JAK1: variants seen among roughly 807,000 people sequenced by gnomAD.
The protein encoded by JAK1 is tyrosine-protein kinase JAK1.
JAK1 carries 16 observed loss-of-function variants against 136.6 expected under a neutral mutation model. The observed-to-expected ratio is 0.12, with a 90% CI of 0.08 to 0.18. The LOEUF is 0.18. JAK1 is among the 10% of genes least tolerant of loss of function. The pLI is 1.00. For missense variants in JAK1, 859 were observed against 1,450.1 expected (o/e 0.59, Z 6.62); for synonymous variants, 492 against 519.5 (o/e 0.95, Z 0.72).
intron 1 of JAK1, among the ~76,000 whole-genome samples, chr1:64,925,884 A>T (rs1304853780): frequency 6.6e-6 from 1 of 152,186 alleles, no homozygotes; most frequent in African/African-American, 2.4e-5. Context: ...GTTATTTGCA[A>T]TCACCTATAA....
intron 2 of JAK1, among the ~76,000 whole-genome samples, chr1:65,033,257 G>A (rs937417704): frequency 3.3e-5 from 5 of 152,266 alleles, no homozygotes; most frequent in African/African-American, 4.8e-5. Context: ...GGGGTCAAGC[G>A]ATCATCCCAG....
At chr1:64,969,991 CTG>C (rs1049881565), upstream of JAK1, among the ~76,000 whole-genome samples, 24 of 151,924 alleles carry the variant, frequency 1.6e-4, no homozygotes, top group African/African-American at 5.3e-4. Context: ...CAAAAAATAA[CTG>C]AGTGTGGTGG....
At chr1:65,042,873 G>A (rs1477398192) in intron 2 of JAK1, among the ~76,000 whole-genome samples, 14 of 152,128 alleles carry the variant, frequency 9.2e-5, no homozygotes, top group Non-Finnish European at 1.8e-4. Flanking sequence ...GGCAAGCTCC[G>A]GCTTCAGTTT....
intron 1 of JAK1, among the ~76,000 whole-genome samples, chr1:64,949,533 C>T (rs999269796): frequency 2.0e-5 from 3 of 152,216 alleles, no homozygotes; most frequent in African/African-American, 7.2e-5. Context: ...AATATCATTT[C>T]CCAGTGAGAA....
Position 64,948,865 on chromosome 1 carries a change from T to C in JAK1, c.-78+17468A>G, listed in dbSNP as rs923841300. On this transcript the variant is annotated intron_variant, in intron 1 of 24. Transcript: ENST00000342505. ...ATGTGGCAGCCCAGAATGTTAATGG[T>C]ACTTGGAGGGAAATCTAACCCTTAG... Among the ~76,000 whole-genome samples, 15 of 152,334 alleles carry C rather than the reference T, an allele frequency of 9.8e-5. No homozygotes were observed. In the East Asian group the frequency reaches 2.7e-3, roughly 27 times the overall value.
rs1206962048 is a variant in JAK1 at position 64,833,816 on chromosome 1, C to CTGAT, written c.*742_*745dup. 4.3e-5 allele frequency: 10 copies of CTGAT among 232,954 alleles called. No homozygotes were observed. The highest frequency in any genetic ancestry group is 5.9e-5 in the Non-Finnish European group (7 of 117,838). 14.4% of individuals were successfully genotyped at this position (232,954 alleles called of 1,614,324 possible). A position where few individuals can be genotyped will look rare whatever the true frequency, so the allele number is the denominator to read the frequency against. ...AGCATCCAGGTTCTGGGAATGAGTT[C>CTGAT]TGATTAAAGGTATACTGCTTAGGAA... is the stretch of plus-strand genomic sequence containing the variant. On this transcript the variant is annotated 3_prime_UTR_variant, in exon 25 of 25. Coordinates refer to ENST00000342505, the MANE Select transcript of JAK1 (RefSeq NM_002227.4).
chr1:64,883,127 G>T, intron 3 of JAK1, 150 bp downstream of exon 3: 2 of 580,130 alleles, frequency 3.4e-6, no homozygotes, highest in African/African-American at 1.9e-5. Context: ...AAGGTCACGT[G>T]CAAGTGGCAG....
chr1:64,961,288 T>G (rs914802197), intron 1 of JAK1, among the ~76,000 whole-genome samples: 2 of 152,208 alleles, frequency 1.3e-5, no homozygotes, highest in African/African-American at 4.8e-5. Context: ...CCTAGTAGTC[T>G]TCTGGATAGT....
intron 1 of JAK1, among the ~76,000 whole-genome samples, chr1:64,941,384 A>G (rs141958287): frequency 6.6e-6 from 1 of 152,318 alleles, no homozygotes; most frequent in African/African-American, 2.4e-5. Flanking sequence ...CATGACTACA[A>G]ATTCTTTCAG....
chr1:64,882,910 G>A (rs1644796638), intron 3 of JAK1, among the ~76,000 whole-genome samples: 1 of 152,186 alleles, frequency 6.6e-6, no homozygotes, highest in African/African-American at 2.4e-5. Context: ...CAGGGACTTA[G>A]TCCCAGGTGT....
intron 20 of JAK1, chr1:64,839,350 A>T (rs922763896): frequency 5.2e-6 from 2 of 387,568 alleles, no homozygotes; most frequent in African/African-American, 2.0e-5. Flanking sequence ...TTCATAAGGC[A>T]TAAGTGCAAG....
At chr1:65,015,005 G>GA (rs200154281) in intron 2 of JAK1, among the ~76,000 whole-genome samples, 1,796 of 151,810 alleles carry the variant, frequency 0.012, 36 homozygotes, top group African/African-American at 0.042. Flanking sequence ...TATTCTTAGT[G>GA]AAAAAAAATC....
upstream of JAK1, among the ~76,000 whole-genome samples, chr1:64,968,028 C>T (rs1331345883): frequency 6.6e-6 from 1 of 152,096 alleles, no homozygotes; most frequent in African/African-American, 2.4e-5. Context: ...GCCCACATGG[C>T]ATGGGCTCAG....
At chr1:64,959,845 C>G (rs1209340318) in intron 1 of JAK1, among the ~76,000 whole-genome samples, 1 of 152,072 alleles carries the variant, frequency 6.6e-6, no homozygotes, top group Non-Finnish European at 1.5e-5. Context: ...TGTTTTGTAT[C>G]TACTGGTGGC....
intron 7 of JAK1, among the ~76,000 whole-genome samples, chr1:64,865,754 T>A (rs1656659463): frequency 6.6e-6 from 1 of 152,156 alleles, no homozygotes; most frequent in African/African-American, 2.4e-5. Context: ...ATGAGTCTCA[T>A]ATTTTATTCA....
chr1:64,909,467 A>G (rs1645245612), intron 1 of JAK1, among the ~76,000 whole-genome samples: 1 of 152,144 alleles, frequency 6.6e-6, no homozygotes, highest in African/African-American at 2.4e-5. Flanking sequence ...AAAAATGACA[A>G]AGAAACAGAA....
intron 2 of JAK1, among the ~76,000 whole-genome samples, chr1:65,018,487 A>AGAACACAC (rs1394294153): frequency 9.4e-5 from 9 of 96,052 alleles, no homozygotes; most frequent in African/African-American, 4.2e-4. Flanking sequence ...AGAGAGAGAG[A>AGAACACAC]ACACACACAC....
rs757852939 is a variant in JAK1 at position 64,860,280 on chromosome 1, A to G, written c.1177-18T>C. ...TTCAGTTCCTGTTGAGAGAGAAGAA[A>G]TTCCCACGGTTACATCATGTCTCTA... On this transcript the variant is annotated intron_variant, in intron 8 of 24. Coordinates refer to ENST00000342505, the MANE Select transcript of JAK1 (RefSeq NM_002227.4). 7 of 1,591,398 alleles carry G rather than the reference A, an allele frequency of 4.4e-6. No homozygotes were observed. In the East Asian group the frequency reaches 6.7e-5, roughly 15 times the overall value.
intron 1 of JAK1, among the ~76,000 whole-genome samples, chr1:64,904,098 G>T (rs1645154619): frequency 6.6e-6 from 1 of 152,150 alleles, no homozygotes; most frequent in African/African-American, 2.4e-5. Context: ...AGACACTATG[G>T]TTCTAGTAAG....
Sources: gnomAD v4.1 joint callset for allele counts (sites outside exome capture counted in the v4.1 genomes callset) on GRCh38, gnomAD v4.1.1 for gene constraint, MANE v1.5 for transcripts, NCBI Gene and HGNC (gene_info 2026-07-23, HGNC 2026-07-21) for gene names.